The following RHBDD1 variants were observed in gnomAD, a reference collection of about 807,000 sequenced individuals.
RHBDD1 encodes the protein rhomboid domain containing 1.
Under a neutral mutation model 36.3 loss-of-function variants are expected in RHBDD1, and 38 were observed. The observed-to-expected ratio is 1.05, with a 90% CI of 0.81 to 1.37. The LOEUF (loss-of-function observed/expected upper bound fraction) is 1.37, where lower values mean the gene tolerates loss of function less well. RHBDD1 is among the 40% of genes most tolerant of loss of function. The probability of loss-of-function intolerance (pLI) is 0.00; values close to 1 mark genes in which losing one functional copy is unlikely to be tolerated. For synonymous variants in RHBDD1, 151 were observed against 136.5 expected, an observed-to-expected ratio of 1.11 and a Z score of -0.74; for missense variants, 393 against 377.6, an observed-to-expected ratio of 1.04 and a Z score of -0.34.
At chr2:226,889,322 G>A (rs534738402) in intron 5 of RHBDD1, among the ~76,000 whole-genome samples, 7 of 152,296 alleles carry the variant, frequency 4.6e-5, no homozygotes, top group Admixed American at 1.3e-4. Context: ...CCTCTTCAGA[G>A]ATCTTTATTT....
intron 5 of RHBDD1, among the ~76,000 whole-genome samples, chr2:226,905,160 T>C (rs1352415709): frequency 5.0e-5 from 2 of 40,288 alleles, no homozygotes; most frequent in African/African-American, 2.0e-4. Flanking sequence ...TTTGCTTGGC[T>C]TTTTTTTTTT....
At chr2:226,936,550 G>C (rs1950341868) in intron 8 of RHBDD1, among the ~76,000 whole-genome samples, 1 of 151,960 alleles carries the variant, frequency 6.6e-6, no homozygotes, top group African/African-American at 2.4e-5. Flanking sequence ...GGCATTATTT[G>C]GATGCTGATG....
At chr2:226,818,100 G>C in the RHBDD1 span, among the ~76,000 whole-genome samples, 4 of 151,342 alleles carry the variant, frequency 2.6e-5, no homozygotes, top group East Asian at 1.9e-4. Context: ...CTTCTGGCCT[G>C]CTGGCCAGAT....
At chr2:226,975,057 T>G (rs1954316510) in intron 8 of RHBDD1, among the ~76,000 whole-genome samples, 1 of 152,230 alleles carries the variant, frequency 6.6e-6, no homozygotes, top group Non-Finnish European at 1.5e-5. Flanking sequence ...AAGGAAATTA[T>G]GTTTTTAAAA....
At chr2:226,872,148 G>T (rs1049063367) in intron 5 of RHBDD1, among the ~76,000 whole-genome samples, 6 of 152,122 alleles carry the variant, frequency 3.9e-5, no homozygotes, top group Non-Finnish European at 8.8e-5. Context: ...GTCAAAGGCT[G>T]GTCTTAGTTT....
intron 8 of RHBDD1, among the ~76,000 whole-genome samples, chr2:226,945,610 C>T (rs548496035): frequency 2.0e-5 from 3 of 152,182 alleles, no homozygotes; most frequent in East Asian, 1.9e-4. Flanking sequence ...AGTAGTGCCG[C>T]GGTAAACATA....
At chr2:226,967,985 A>G (rs1053362805) in intron 8 of RHBDD1, among the ~76,000 whole-genome samples, 1 of 152,178 alleles carries the variant, frequency 6.6e-6, no homozygotes, top group Admixed American at 6.5e-5. Flanking sequence ...TTTGCTAGTT[A>G]TATCTCTTCA....
chr2:226,845,430 C>T (rs867940530), intron 3 of RHBDD1, among the ~76,000 whole-genome samples: 5 of 152,320 alleles, frequency 3.3e-5, no homozygotes, highest in Admixed American at 6.5e-5. Flanking sequence ...CCTAAGAGCA[C>T]GTGGCTGGTG....
At chr2:226,965,096 A>G (rs1952520347) in intron 8 of RHBDD1, among the ~76,000 whole-genome samples, 1 of 152,134 alleles carries the variant, frequency 6.6e-6, no homozygotes, top group Non-Finnish European at 1.5e-5. Context: ...CTTTGCAGGT[A>G]ATTAAGGTAA....
chr2:226,913,498 A>G lies in RHBDD1; in HGVS notation c.713-710A>G, dbSNP rs538528824. ...ACTCAAACTGAAAAGATCAATGGAA[A>G]TATCTTCCAAAAATGAACTTTTCCC... On this transcript the variant is annotated intron_variant, in intron 7 of 8. Coordinates refer to ENST00000392062, the MANE Select transcript of RHBDD1 (RefSeq NM_001167608.3). Among the ~76,000 whole-genome samples the G allele has an allele frequency of 6.6e-5, 10 of 152,194 alleles. No homozygotes were observed. The South Asian group carries it at 1.7e-3, about 25-fold the overall frequency.
At chr2:226,978,509 C>T (rs555112253) in intron 8 of RHBDD1, among the ~76,000 whole-genome samples, 24 of 152,124 alleles carry the variant, frequency 1.6e-4, no homozygotes, top group Non-Finnish European at 2.9e-4. Context: ...CCACCTACGT[C>T]GAGCCTCAGT....
intron 8 of RHBDD1, among the ~76,000 whole-genome samples, chr2:226,978,141 A>G (rs1047082168): frequency 6.6e-5 from 10 of 152,202 alleles, no homozygotes; most frequent in African/African-American, 2.4e-4. Context: ...ACTTGCCCTT[A>G]ATCTGTCTTC....
intron 5 of RHBDD1, chr2:226,869,221 T>C: frequency 1.0e-6 from 1 of 979,554 alleles, no homozygotes; most frequent in Non-Finnish European, 1.2e-6. Context: ...CACCGGTAAT[T>C]CTGAGCTTGG....
At chr2:226,925,956 G>T in intron 8 of RHBDD1, among the ~76,000 whole-genome samples, 1 of 152,062 alleles carries the variant, frequency 6.6e-6, no homozygotes, top group Non-Finnish European at 1.5e-5. Flanking sequence ...TTTCAGAGGG[G>T]AAAGGGAAGA....
upstream of RHBDD1, among the ~76,000 whole-genome samples, chr2:226,833,266 C>T (rs1053580543): frequency 3.3e-5 from 5 of 152,184 alleles, no homozygotes; most frequent in East Asian, 1.9e-4. Context: ...GTAATCAATA[C>T]TTGGTTCATT....
chr2:226,915,135 C>T (rs1948808418), intron 8 of RHBDD1, among the ~76,000 whole-genome samples: 1 of 152,008 alleles, frequency 6.6e-6, no homozygotes. Flanking sequence ...GTAACCCTAG[C>T]ATCAGGTGAC....
the RHBDD1 span, among the ~76,000 whole-genome samples, chr2:226,801,628 T>C: frequency 6.6e-6 from 1 of 152,132 alleles, no homozygotes; most frequent in Non-Finnish European, 1.5e-5. Context: ...CTCTGACAGC[T>C]TGGTGATGTG....
At chr2:226,952,293 G>GTT (rs5839184) in intron 8 of RHBDD1, among the ~76,000 whole-genome samples, 95 of 71,206 alleles carry the variant, frequency 1.3e-3, no homozygotes, top group African/African-American at 4.7e-3. Flanking sequence ...TTTTGGTTTG[G>GTT]TTTTTTTTTT....
rs570257861 is a variant in RHBDD1 at position 226,954,372 on chromosome 2, T to C, written c.856+40021T>C. Among the ~76,000 whole-genome samples, 16 of 152,298 alleles carry C rather than the reference T, an allele frequency of 1.1e-4. No individual in the cohort carries two copies. In the South Asian group the frequency reaches 2.5e-3, roughly 24 times the overall value. On this transcript the variant is annotated intron_variant, in intron 8 of 8. Coordinates refer to ENST00000392062, the MANE Select transcript of RHBDD1 (RefSeq NM_001167608.3). ...AGTACCTACTATGATCAAGAGAATG[T>C]GCTTATGGATTTAAGAACCCATGAT...
Sources: gnomAD v4.1 joint callset for allele counts (sites outside exome capture counted in the v4.1 genomes callset) on GRCh38, gnomAD v4.1.1 for gene constraint, MANE v1.5 for transcripts, NCBI Gene and HGNC (gene_info 2026-07-23, HGNC 2026-07-21) for gene names.